CACNB2: variants seen among roughly 807,000 people sequenced by gnomAD.
CACNB2 encodes the protein calcium voltage-gated channel auxiliary subunit beta 2.
CACNB2 carries 42 observed loss-of-function variants against 73.3 expected under a neutral mutation model. The ratio of observed to expected loss-of-function variants is 0.57; its 90% confidence interval spans 0.45 to 0.74. CACNB2 has a LOEUF of 0.74. Among genes scored for constraint, CACNB2 ranks in the 30% least tolerant of loss-of-function variants. CACNB2 has a pLI of 0.00. For missense variants in CACNB2, 940 were observed against 853.0 expected (o/e 1.10, Z -1.27); for synonymous variants, 348 against 310.3 (o/e 1.12, Z -1.28).
intron 2 of CACNB2, among the ~76,000 whole-genome samples, chr10:18,361,699 C>T (rs529867829): frequency 3.6e-4 from 55 of 150,968 alleles, no homozygotes; most frequent in African/African-American, 1.3e-3. Context: ...CTGAAACTTC[C>T]ACCTTCCGGG....
intron 1 of CACNB2, among the ~76,000 whole-genome samples, chr10:18,144,900 A>G (rs914859640): frequency 1.3e-5 from 2 of 152,186 alleles, no homozygotes; most frequent in Non-Finnish European, 2.9e-5. Context: ...TGAAACTGGT[A>G]ATTCTCCAGG....
intron 2 of CACNB2, among the ~76,000 whole-genome samples, chr10:18,393,177 C>G (rs938712072): frequency 1.5e-5 from 1 of 65,802 alleles, no homozygotes; most frequent in African/African-American, 4.6e-5. Context: ...CCATTGTACT[C>G]CAGCCTGGAT....
chr10:18,214,626 C>CAAAAA (rs751930257), intron 2 of CACNB2, among the ~76,000 whole-genome samples: 5 of 15,104 alleles, frequency 3.3e-4, no homozygotes, highest in African/African-American at 5.4e-4. Context: ...GACTCCATCT[C>CAAAAA]AAAAAAAAAA....
At chr10:18,441,700 T>A (rs1160586838) in intron 3 of CACNB2, among the ~76,000 whole-genome samples, 1 of 152,168 alleles carries the variant, frequency 6.6e-6, no homozygotes, top group East Asian at 1.9e-4. Context: ...AATGGCACAG[T>A]CACAGCGCCC....
intron 2 of CACNB2, among the ~76,000 whole-genome samples, chr10:18,153,801 C>T (rs1049258967): frequency 1.3e-5 from 2 of 148,348 alleles, no homozygotes; most frequent in African/African-American, 2.5e-5. Flanking sequence ...AGGCTGGTCT[C>T]GAACTCCTGA....
chr10:18,513,722 C>T (rs1381034759), intron 6 of CACNB2: 4 of 192,960 alleles, frequency 2.1e-5, no homozygotes, highest in South Asian at 9.6e-5. Flanking sequence ...GCGAGAAATG[C>T]GCATTAAAAT....
At chr10:18,421,417 C>T (rs900954138) in intron 3 of CACNB2, among the ~76,000 whole-genome samples, 2 of 152,072 alleles carry the variant, frequency 1.3e-5, no homozygotes, top group African/African-American at 4.8e-5. Flanking sequence ...CTGGCCTCAG[C>T]CTCCGGAGTA....
At chr10:18,505,016 T>A (rs898137665) in intron 5 of CACNB2, among the ~76,000 whole-genome samples, 1 of 152,150 alleles carries the variant, frequency 6.6e-6, no homozygotes, top group African/African-American at 2.4e-5. Context: ...AAAACTCTGA[T>A]ACAGAAATTA....
At chr10:18,422,879 G>T (rs2045401177) in intron 3 of CACNB2, among the ~76,000 whole-genome samples, 1 of 152,150 alleles carries the variant, frequency 6.6e-6, no homozygotes, top group Admixed American at 6.6e-5. Context: ...TGTATTTTTA[G>T]TAGAGACGGG....
At chr10:18,341,633 C>A (rs896767809) in intron 2 of CACNB2, among the ~76,000 whole-genome samples, 1 of 151,582 alleles carries the variant, frequency 6.6e-6, no homozygotes, top group South Asian at 2.1e-4. Context: ...AACCAGAGCC[C>A]GTAAAAATAA....
At chr10:18,427,059 G>T (rs918178305) in intron 3 of CACNB2, among the ~76,000 whole-genome samples, 1 of 146,138 alleles carries the variant, frequency 6.8e-6, no homozygotes, top group East Asian at 2.1e-4. Flanking sequence ...GGGTTCAAGC[G>T]ATTCTCCTGC....
chr10:18,327,579 C>T (rs147350785), intron 2 of CACNB2, among the ~76,000 whole-genome samples: 17 of 152,188 alleles, frequency 1.1e-4, no homozygotes, highest in East Asian at 3.9e-4. Context: ...CGCATGCTAC[C>T]GTGCCCAGCT....
At chr10:18,410,602 A>G (rs1243476604) in intron 3 of CACNB2, among the ~76,000 whole-genome samples, 2 of 152,218 alleles carry the variant, frequency 1.3e-5, no homozygotes, top group African/African-American at 4.8e-5. Context: ...TATAATGCGT[A>G]TGTTCTTAAA....
rs7910506 is a variant in CACNB2, at chr10:18,518,128, G to A, written c.805-208G>A. Among the ~76,000 whole-genome samples the A allele has an allele frequency of 0.78, 119,162 of 152,114 alleles. 46,907 individuals carry two copies. Among genetic ancestry groups the A allele is most frequent in the East Asian group, 0.98 (5,085 of 5,174 alleles). On this transcript the variant is annotated intron_variant, in intron 7 of 13. Transcript: ENST00000324631. ...TAGCATTTCTTGAGATGAGCAAGAA[G>A]ACTGTAGACAACAGTAACTTGAAAC...
chr10:18,415,595 C>A (rs569008536), intron 3 of CACNB2, among the ~76,000 whole-genome samples: 13 of 152,252 alleles, frequency 8.5e-5, no homozygotes, highest in Middle Eastern at 3.4e-3. Context: ...ATATAAGCCC[C>A]CACTGTTAGT....
intron 2 of CACNB2, among the ~76,000 whole-genome samples, chr10:18,177,571 T>C (rs2033671353): frequency 7.0e-6 from 1 of 142,646 alleles, no homozygotes; most frequent in Middle Eastern, 3.6e-3. Flanking sequence ...ACAGCAAGAC[T>C]CCATCTCAAA....
intron 2 of CACNB2, among the ~76,000 whole-genome samples, chr10:18,222,471 A>T (rs1460084904): frequency 6.6e-6 from 1 of 151,646 alleles, no homozygotes; most frequent in Non-Finnish European, 1.5e-5. Flanking sequence ...CACAGACTGG[A>T]TGTTTGCTGA....
intron 2 of CACNB2, among the ~76,000 whole-genome samples, chr10:18,375,555 G>T (rs1589175522): frequency 1.3e-5 from 2 of 152,176 alleles, no homozygotes; most frequent in South Asian, 4.2e-4. Flanking sequence ...CTTAAAACCG[G>T]GAAATAGAAG....
chr10:18,271,649 C>T (rs2038057815), intron 2 of CACNB2, among the ~76,000 whole-genome samples: 1 of 152,142 alleles, frequency 6.6e-6, no homozygotes, highest in Admixed American at 6.5e-5. Flanking sequence ...GCAGCACAGG[C>T]AGGTAGCCGT....
Sources: gnomAD v4.1 joint callset for allele counts (sites outside exome capture counted in the v4.1 genomes callset) on GRCh38, gnomAD v4.1.1 for gene constraint, MANE v1.5 for transcripts, NCBI Gene and HGNC (gene_info 2026-07-23, HGNC 2026-07-21) for gene names.